ABCF3: variants seen among roughly 807,000 people sequenced by gnomAD.
ABCF3 encodes ATP-binding cassette sub-family F member 3.
In ABCF3, 62 loss-of-function variants were observed where a neutral mutation model predicts 94.3. The observed-to-expected ratio is 0.66, with a 90% CI of 0.54 to 0.81. The LOEUF (loss-of-function observed/expected upper bound fraction) is 0.81. ABCF3 is among the 40% of genes least tolerant of loss of function. The probability of loss-of-function intolerance (pLI) is 0.00; values close to 1 mark genes in which losing one functional copy is unlikely to be tolerated. For synonymous variants in ABCF3, 355 were observed against 361.1 expected (o/e 0.98, Z 0.19); for missense variants, 843 against 925.3 (o/e 0.91, Z 1.15).
chr3:184,186,403 C>A, intron 1 of ABCF3, 104 bp from the exon 2 acceptor site: 1 of 1,578,766 alleles, frequency 6.3e-7, no homozygotes, highest in South Asian at 1.1e-5. Context: ...GTCCCGGGGG[C>A]TGGTTGGGTC....
intron 3 of ABCF3, 106 bp downstream of exon 3, chr3:184,186,981 G>A: frequency 8.5e-7 from 1 of 1,174,280 alleles, no homozygotes; most frequent in African/African-American, 1.6e-5. Flanking sequence ...CACAGGACAA[G>A]GTTGTAGGAG....
At position 184,189,879 on chromosome 3, in the gene ABCF3, A is replaced by G; in HGVS notation, c.1339A>G (p.Asn447Asp). The change falls in exon 14 of 21, where the codon AAT becomes GAT. Residue 447 changes from asparagine to aspartate, a missense_variant. Coordinates refer to ENST00000429586, the MANE Select transcript of ABCF3 (RefSeq NM_018358.3). ...IQVFIDRFRY[N>D]ANRASQVQSK... ...GGTTTTCATTGACCGGTTTCGCTAC[A>G]ATGCCAACAGGGCCTCTCAAGTGCA... is the stretch of plus-strand genomic sequence containing the variant. The G allele has an allele frequency of 6.2e-7, 1 of 1,614,244 alleles. No homozygotes were observed. Among genetic ancestry groups the G allele is most frequent in the Non-Finnish European group, 8.5e-7 (1 of 1,180,038 alleles).
chr3:184,190,819 T>G (rs1715971594), intron 14 of ABCF3, 180 bp from the exon 15 acceptor site: 2 of 713,910 alleles, frequency 2.8e-6, no homozygotes, highest in Admixed American at 6.0e-5. Flanking sequence ...GGATAAAAAG[T>G]CACAAAAAGC....
chr3:184,191,707 T>C (rs949902119), intron 16 of ABCF3, among the ~76,000 whole-genome samples: 3 of 151,254 alleles, frequency 2.0e-5, no homozygotes, highest in African/African-American at 7.3e-5. Context: ...ACTCAAGTAT[T>C]GCTCACCTTA....
chr3:184,188,285 C>T lies in ABCF3; in HGVS notation c.714C>T (p.His238=), dbSNP rs530224305. The change falls in exon 7 of 21, where the codon CAC becomes CAT. Residue 238 remains histidine (H), a synonymous_variant. Coordinates refer to ENST00000429586, the MANE Select transcript of ABCF3 (RefSeq NM_018358.3). ...TTCCAGCCCACATTTCCCTGCTGCACGTTGAGCAAGAGGTTGCTGGAGATG... is the reference window on the plus strand; with the variant it reads ...TTCCAGCCCACATTTCCCTGCTGCATGTTGAGCAAGAGGTTGCTGGAGATG... The part of the protein sequence containing the change: ...LRVPAHISLL[H]VEQEVAGDDT... 16 of 1,614,148 alleles carry T rather than the reference C, an allele frequency of 9.9e-6. No homozygotes were observed. Among genetic ancestry groups the T allele is most frequent in the Non-Finnish European group, 1.1e-5 (13 of 1,180,032 alleles).
At chr3:184,187,287 T>A in intron 3 of ABCF3, 110 bp from the exon 4 acceptor site, 1 of 1,239,928 alleles carries the variant, frequency 8.1e-7, no homozygotes, top group African/African-American at 1.5e-5. Flanking sequence ...TGCAGTATTA[T>A]AAGGTTTTGT....
chr3:184,191,640 G>A (rs912688310), intron 16 of ABCF3, among the ~76,000 whole-genome samples: 9 of 151,828 alleles, frequency 5.9e-5, no homozygotes, highest in Admixed American at 3.9e-4. Context: ...TTAAGATGGC[G>A]CTGACATCTA....
rs377160928 is a variant in ABCF3 at position 184,193,525 on chromosome 3, C to T, written c.1972-15C>T. 4.8e-5 allele frequency: 77 copies of T among 1,614,008 alleles called. No individual in the cohort carries two copies. In the Middle Eastern group the frequency reaches 6.6e-4, roughly 14 times the overall value. On this transcript the variant is annotated splice_polypyrimidine_tract_variant and intron_variant, in intron 20 of 20. Transcript: ENST00000429586. This position sits in a 1 kb window ranked among gnomAD's most constrained non-coding sequence, Gnocchi z 5.2. Reference sequence around the variant, plus strand: ...TTGTGTCCCCCTGAGCACCTCCTGCCCTCCTGTCTTTCAGGGTGGTGTGAT... The same window carrying T: ...TTGTGTCCCCCTGAGCACCTCCTGCTCTCCTGTCTTTCAGGGTGGTGTGAT...
At chr3:184,188,725 C>G (rs1166181590) in intron 7 of ABCF3, 36 bp from the exon 8 acceptor site, 1 of 1,608,288 alleles carries the variant, frequency 6.2e-7, no homozygotes, top group Non-Finnish European at 8.5e-7. Context: ...CTAGACTGCC[C>G]CTGCTTAGGC....
rs766030097 is a variant in ABCF3, at chr3:184,186,501, GCCCAGGCGTC to G, written c.74-5_78del. On this transcript the variant is annotated splice_acceptor_variant and splice_polypyrimidine_tract_variant and coding_sequence_variant and intron_variant, in exon 2 of 21. Coordinates refer to ENST00000429586, the MANE Select transcript of ABCF3 (RefSeq NM_018358.3). LOFTEE classifies it high-confidence loss of function. ...TACCTTCCTCGTTCTACCACGCCCT[GCCCAGGCGTC>G]TTGCACAGCGGCAGCGCGGACTTCG... is the stretch of plus-strand genomic sequence containing the variant. The G allele has an allele frequency of 6.2e-7, 1 of 1,607,786 alleles. No individual in the cohort carries two copies. The highest frequency in any genetic ancestry group is 8.5e-7 in the Non-Finnish European group (1 of 1,176,586).
intron 12 of ABCF3, 41 bp from the exon 13 acceptor site, chr3:184,189,516 C>G: frequency 6.2e-7 from 1 of 1,613,962 alleles, no homozygotes; most frequent in Non-Finnish European, 8.5e-7. Context: ...TGAGAACTGA[C>G]TGCCCTCCCA....
intron 7 of ABCF3, 31 bp from the exon 8 acceptor site, chr3:184,188,730 T>C: frequency 1.9e-6 from 3 of 1,611,456 alleles, no homozygotes; most frequent in Non-Finnish European, 2.5e-6. Flanking sequence ...CTGCCCCTGC[T>C]TAGGCCAATT....
Position 184,186,878 on chromosome 3 carries a change from G to T in ABCF3, c.301+3G>T. ...GTCAAAGATAACGGAGAACTACGGT[G>T]AGAGTGAGGGGAGGTTGAACTAACT... On this transcript the variant is annotated splice_donor_region_variant and intron_variant, in intron 3 of 20. Transcript: ENST00000429586. 10 of 1,613,124 alleles carry T rather than the reference G, an allele frequency of 6.2e-6. No individual in the cohort carries two copies. The highest frequency in any genetic ancestry group is 8.5e-6 in the Non-Finnish European group (10 of 1,179,564).
At position 184,187,644 on chromosome 3, in the gene ABCF3, C is replaced by T. The variant is rs369889318; in HGVS notation, c.349-20C>T. The T allele has an allele frequency of 1.9e-6, 3 of 1,613,174 alleles. No individual in the cohort carries two copies. The highest frequency in any genetic ancestry group is 1.3e-5 in the African/African-American group (1 of 74,854). On this transcript the variant is annotated intron_variant, in intron 4 of 20. Transcript: ENST00000429586. The stretch of plus-strand genomic sequence containing the variant: ...CTGAGCCTACACCCGAGAGTGAAGT[C>T]GATGTGTTTGGACCCTTAGACAGTG...
intron 7 of ABCF3, 150 bp from the exon 8 acceptor site, chr3:184,188,611 C>A: frequency 9.9e-7 from 1 of 1,012,250 alleles, no homozygotes; most frequent in Non-Finnish European, 1.4e-6. Flanking sequence ...TTCCATAGTG[C>A]CCAAGGTAAT....
intron 1 of ABCF3, 107 bp downstream of exon 1, chr3:184,186,387 C>T (rs1044584737): frequency 5.7e-6 from 9 of 1,583,688 alleles, no homozygotes; most frequent in Admixed American, 1.7e-5. Context: ...CTCTGCATGA[C>T]CTCTTGTCCC....
At position 184,188,248 on chromosome 3, in the gene ABCF3, G is replaced by A. The variant is rs1434017454; in HGVS notation, c.677G>A (p.Arg226Gln). Residue 226 changes from arginine (R) to glutamine (Q), a missense_variant, in exon 7 of 21, where the codon CGG becomes CAG. By Grantham distance (43) the Arg-to-Gln change is conservative. Coordinates refer to ENST00000429586, the MANE Select transcript of ABCF3 (RefSeq NM_018358.3). ...KTTLLKMLAT[R>Q]SLRVPAHISL... The stretch of plus-strand genomic sequence containing the variant: ...ACGTTACTGAAGATGCTGGCCACCC[G>A]GAGTCTGCGGGTTCCAGCCCACATT... The A allele has an allele frequency of 3.1e-6, 5 of 1,614,174 alleles. No individual in the cohort carries two copies. Among genetic ancestry groups the A allele is most frequent in the Non-Finnish European group, 3.4e-6 (4 of 1,180,052 alleles).
intron 6 of ABCF3, 37 bp downstream of exon 6, chr3:184,188,020 T>G (rs1455130786): frequency 2.5e-6 from 4 of 1,613,618 alleles, no homozygotes; most frequent in Middle Eastern, 3.3e-4. Context: ...GGCTTTCTTT[T>G]TCTAATTAGA....
rs1715890246 is a variant in ABCF3 at position 184,189,718 on chromosome 3, T to C, written c.1275T>C (p.Arg425=). ...AGGAGCGGCTGCTCAACCAGCAGCG[T>C]GAATATGAGGCGCAGCAGCAGTATC... ...SKQERLLNQQ[R]EYEAQQQYRQ... Residue 425 remains arginine (R), a synonymous_variant, in exon 13 of 21, where the codon CGT becomes CGC. Transcript: ENST00000429586. The C allele has an allele frequency of 6.2e-7, 1 of 1,613,916 alleles. No homozygotes were observed.
Sources: gnomAD v4.1 joint callset for allele counts (sites outside exome capture counted in the v4.1 genomes callset) on GRCh38, gnomAD v4.1.1 for gene constraint, Gnocchi (gnomAD v3.1) non-coding constraint, MANE v1.5 for transcripts, NCBI Gene and HGNC (gene_info 2026-07-23, HGNC 2026-07-21) for gene names.